Variants in TOGARAM2 observed in about 807,000 individuals in gnomAD.
TOGARAM2 encodes TOG array regulator of axonemal microtubules protein 2.
In TOGARAM2, 85 loss-of-function variants were observed where a neutral mutation model predicts 93.3. The ratio of observed to expected loss-of-function variants is 0.91; its 90% CI spans 0.76 to 1.09. TOGARAM2 has a LOEUF of 1.09. Ranked by LOEUF, TOGARAM2 falls within the 50% of genes least tolerant of loss-of-function variation. The pLI, the probability that TOGARAM2 is intolerant of heterozygous loss-of-function variation, is 0.00. For synonymous variants in TOGARAM2, 593 were observed against 552.8 expected, an observed-to-expected ratio of 1.07 and a Z score of -1.02; for missense variants, 1,277 against 1,334.5, an observed-to-expected ratio of 0.96 and a Z score of 0.67.
chr2:28,984,788 T>C (rs565267733), intron 1 of TOGARAM2, among the ~76,000 whole-genome samples: 114 of 152,336 alleles, frequency 7.5e-4, no homozygotes, highest in Admixed American at 4.1e-3. Flanking sequence ...CAGGCAGGAT[T>C]GATGCGGTGG....
rs1666141768 is a variant in TOGARAM2, at chr2:29,036,774, G to A, written c.2635+17G>A. ...AGAGCCTGGGTGAGTGTCCCACGTG[G>A]GCCTGTGTGGCTCTGGTCACCATGT... is the stretch of plus-strand genomic sequence containing the variant. On this transcript the variant is annotated intron_variant, in intron 18 of 19. Transcript: ENST00000379558. 2 of 1,604,820 alleles carry A rather than the reference G, an allele frequency of 1.2e-6. No individual in the cohort carries two copies. The highest frequency in any genetic ancestry group is 1.7e-5 in the Admixed American group (1 of 58,516).
Position 29,051,926 on chromosome 2 carries a change from G to C in TOGARAM2, c.2893G>C (p.Gly965Arg). ...RLSRSLQEHM[G>R]SRLLDFAASQ... is the part of the protein sequence containing the mutation. Reference sequence around the variant, plus strand: ...GTCCAGGAGCCTCCAGGAGCACATGGGCTCCCGCCTGCTGGACTTTGCCGC... The same window carrying C: ...GTCCAGGAGCCTCCAGGAGCACATGCGCTCCCGCCTGCTGGACTTTGCCGC... The change falls in exon 20 of 20, where the codon GGC (glycine) becomes CGC (arginine). Residue 965 changes from glycine (G) to arginine (R), a missense_variant. Gly to Arg is a moderately radical substitution (Grantham distance 125). Transcript: ENST00000379558. The C allele has an allele frequency of 6.3e-7, 1 of 1,598,592 alleles. No individual in the cohort carries two copies.
chr2:29,040,679 G>A (rs571654936), intron 18 of TOGARAM2, among the ~76,000 whole-genome samples: 39 of 152,328 alleles, frequency 2.6e-4, no homozygotes, highest in South Asian at 2.3e-3. Flanking sequence ...GGTAAATGAA[G>A]GTTGCCAGGT....
chr2:29,045,274 G>A (rs373690458), intron 18 of TOGARAM2, 50 bp from the exon 19 acceptor site: 1 of 1,508,446 alleles, frequency 6.6e-7, no homozygotes, highest in Non-Finnish European at 9.1e-7. Flanking sequence ...CCCTAGTGCT[G>A]TCACTCAGCC....
intron 1 of TOGARAM2, among the ~76,000 whole-genome samples, chr2:28,964,317 G>A (rs375732687): frequency 7.9e-5 from 12 of 152,050 alleles, no homozygotes; most frequent in African/African-American, 2.4e-4. Context: ...ACCAGGGAAC[G>A]CTTCTTGTTC....
chr2:29,035,703 G>C (rs1666066571), intron 17 of TOGARAM2, 47 bp downstream of exon 17: 4 of 1,307,004 alleles, frequency 3.1e-6, no homozygotes, highest in Non-Finnish European at 3.0e-6. Flanking sequence ...TCCTCTGGGG[G>C]GTGCAACTTG....
rs767989180 is a variant in TOGARAM2 at position 29,022,116 on chromosome 2, T to C, written c.1361-42T>C. ...GAGCGGCCACTCGGGCTCTTGCCTG[T>C]CCTGCTGCGTGAAGCCTGCTGTTTC... On this transcript the variant is annotated intron_variant, in intron 10 of 19. Transcript: ENST00000379558. The C allele has an allele frequency of 8.1e-6, 13 of 1,612,968 alleles. No individual in the cohort carries two copies. In the African/African-American group the frequency reaches 1.7e-4, roughly 22 times the overall value.
At chr2:28,969,974 G>A (rs1275090994) in intron 1 of TOGARAM2, among the ~76,000 whole-genome samples, 4 of 151,854 alleles carry the variant, frequency 2.6e-5, no homozygotes, top group South Asian at 2.1e-4. Context: ...CACCACGCCC[G>A]GCTAATTTTT....
chr2:28,957,536 A>G (rs13402702), intron 1 of TOGARAM2, among the ~76,000 whole-genome samples: 18,723 of 152,202 alleles, frequency 0.12, 1,557 homozygotes, highest in Non-Finnish European at 0.18. Flanking sequence ...TTCTCACATG[A>G]TAGTAATACA....
intron 6 of TOGARAM2, among the ~76,000 whole-genome samples, chr2:29,006,435 T>C (rs1572689486): frequency 6.8e-6 from 1 of 147,872 alleles, no homozygotes; most frequent in African/African-American, 2.5e-5. Context: ...TGTGTGTGCA[T>C]GTGTGTGCAT....
chr2:28,983,198 A>ATTT lies in TOGARAM2; in HGVS notation c.-111+1686_-111+1688dup, dbSNP rs57949744. ...TATAAATATATATATATATATATAT[A>ATTT]TTTTTTTTTTTTTTTTTTTTTTTTT... On this transcript the variant is annotated intron_variant, in intron 1 of 19. Coordinates refer to ENST00000379558, the MANE Select transcript of TOGARAM2 (RefSeq NM_199280.4). Among the ~76,000 whole-genome samples, 54 of 56,628 alleles carry ATTT rather than the reference A, an allele frequency of 9.5e-4. 2 individuals are homozygous for ATTT. Among genetic ancestry groups the ATTT allele is most frequent in the African/African-American group, 4.4e-3 (53 of 12,014 alleles). 37.2% of individuals were successfully genotyped at this position (56,628 alleles called of 152,430 possible).
In TOGARAM2 at chr2:29,026,932, C is replaced by A. The variant is rs774945093; in HGVS notation, c.1933C>A (p.Leu645Ile). The change falls in exon 14 of 20, where the codon CTC becomes ATC. Residue 645 changes from leucine (L) to isoleucine (I), a missense_variant. Leu to Ile is a conservative substitution (Grantham distance 5). Coordinates refer to ENST00000379558, the MANE Select transcript of TOGARAM2 (RefSeq NM_199280.4). ...GGAGCAGATCGGCGCTGAGAAGCTTCTCTCGGGCACCAGAGACAGCACAGA... is the reference window on the plus strand; with the variant it reads ...GGAGCAGATCGGCGCTGAGAAGCTTATCTCGGGCACCAGAGACAGCACAGA... Reference protein sequence around the residue: ...VLEQIGAEKLLSGTRDSTDML... With the variant: ...VLEQIGAEKLISGTRDSTDML... The A allele has an allele frequency of 3.8e-5, 60 of 1,579,526 alleles. No individual in the cohort carries two copies. The highest frequency in any genetic ancestry group is 1.3e-4 in the Admixed American group (7 of 54,852).
chr2:29,002,456 C>T, intron 4 of TOGARAM2, 80 bp from the exon 5 acceptor site: 2 of 1,286,072 alleles, frequency 1.6e-6, no homozygotes, highest in Non-Finnish European at 2.2e-6. Context: ...GGCAGAAGGC[C>T]CCGTTGCTGG....
rs182754887 is a variant in TOGARAM2 at position 28,961,568 on chromosome 2, T to C, written c.-147+4871T>C. Among the ~76,000 whole-genome samples the C allele has an allele frequency of 7.7e-4, 117 of 152,300 alleles. 1 individual carries two copies. Among genetic ancestry groups the C allele is most frequent in the African/African-American group, 2.7e-3 (112 of 41,568 alleles). On this transcript the variant is annotated intron_variant, in intron 1 of 6. Transcript: ENST00000401723. ...GTTGGCCAGGCTGGTCTCGAACTCC[T>C]GATCTCAAGTGATCTGCCCGCCTTG...
chr2:29,029,205 C>G (rs1665592949), intron 14 of TOGARAM2, among the ~76,000 whole-genome samples: 1 of 152,050 alleles, frequency 6.6e-6, no homozygotes, highest in African/African-American at 2.4e-5. Flanking sequence ...GCCCAAATGC[C>G]TCATCATCAA....
At chr2:28,959,464 A>T (rs938733914) in intron 1 of TOGARAM2, among the ~76,000 whole-genome samples, 3 of 152,200 alleles carry the variant, frequency 2.0e-5, no homozygotes, top group African/African-American at 7.2e-5. Flanking sequence ...AGTTAAAAGA[A>T]TAGTATAGGC....
intron 5 of TOGARAM2, 55 bp from the exon 6 acceptor site, chr2:29,003,437 C>A: frequency 1.5e-6 from 2 of 1,364,666 alleles, no homozygotes; most frequent in Non-Finnish European, 1.9e-6. Context: ...TGGAGGTGAG[C>A]ATTCACCATG....
intron 1 of TOGARAM2, among the ~76,000 whole-genome samples, chr2:28,974,072 G>A (rs1671991668): frequency 6.7e-6 from 1 of 150,322 alleles, no homozygotes; most frequent in Non-Finnish European, 1.5e-5. Flanking sequence ...ATCTCTAGCT[G>A]CTTTCAAGAC....
At chr2:28,961,346 A>C (rs1281141657) in intron 1 of TOGARAM2, among the ~76,000 whole-genome samples, 1 of 151,958 alleles carries the variant, frequency 6.6e-6, no homozygotes, top group Non-Finnish European at 1.5e-5. Context: ...TTTAATTTTT[A>C]ATTTTTTTGG....
Sources: allele counts gnomAD v4.1 joint callset (sites outside exome capture counted in the v4.1 genomes callset), GRCh38; gene constraint gnomAD v4.1.1; transcripts MANE v1.5; gene names NCBI Gene and HGNC (gene_info 2026-07-23, HGNC 2026-07-21).